FBN2: variants seen among roughly 807,000 people sequenced by gnomAD.
The protein encoded by FBN2 is fibrillin 2.
A neutral mutation model predicts 355.6 loss-of-function variants in FBN2; 105 were observed. The observed-to-expected ratio is 0.30, with a 90% CI of 0.25 to 0.35. The LOEUF (loss-of-function observed/expected upper bound fraction) is 0.35, where lower values mean the gene tolerates loss of function less well. FBN2 is among the 10% of genes least tolerant of loss of function. The pLI, the probability that FBN2 is intolerant of heterozygous loss-of-function variation, is 1.00. For synonymous variants in FBN2, 1,350 were observed against 1,301.2 expected, an observed-to-expected ratio of 1.04 and a Z score of -0.81; for missense variants, 3,280 against 3,758.7, an observed-to-expected ratio of 0.87 and a Z score of 3.33.
chr5:128,290,248 C>T (rs917799507), intron 50 of FBN2, among the ~76,000 whole-genome samples: 2 of 152,144 alleles, frequency 1.3e-5, no homozygotes, highest in Non-Finnish European at 2.9e-5. Context: ...GAGGCCAAGC[C>T]AGCTGGAGTT....
chr5:128,266,491 C>G (rs548775521), intron 62 of FBN2, among the ~76,000 whole-genome samples: 1 of 152,224 alleles, frequency 6.6e-6, no homozygotes, highest in Admixed American at 6.5e-5. Flanking sequence ...ACCCCAGGAT[C>G]TCATAAAGGG....
intron 63 of FBN2, 51 bp downstream of exon 63, chr5:128,263,374 C>A (rs769104644): frequency 1.4e-6 from 2 of 1,397,298 alleles, no homozygotes; most frequent in Non-Finnish European, 2.0e-6. Context: ...GGCCTGAACT[C>A]ACTCAGGAAC....
In FBN2 at chr5:128,364,699, C is replaced by T. The variant is rs1187660210; in HGVS notation, c.2329G>A (p.Asp777Asn). The T allele has an allele frequency of 1.9e-6, 3 of 1,612,946 alleles. No individual in the cohort carries two copies. Among genetic ancestry groups the T allele is most frequent in the Non-Finnish European group, 2.5e-6 (3 of 1,179,032 alleles). Residue 777 changes from aspartate to asparagine, a missense_variant, in exon 18 of 65, where the codon GAT (aspartate) becomes AAT (asparagine). Asp to Asn is a conservative substitution (Grantham distance 23). Coordinates refer to ENST00000262464, the MANE Select transcript of FBN2 (RefSeq NM_001999.4). ...RDINECALDP[D>N]ICANGICENL... is the part of the protein sequence containing the mutation. ...TCACAAATCCCATTGGCACATATAT[C>T]AGGATCCAAAGCACATTCATTGATA...
intron 7 of FBN2, among the ~76,000 whole-genome samples, chr5:128,437,408 C>T (rs909113557): frequency 1.3e-5 from 2 of 152,048 alleles, no homozygotes. Context: ...TCTTTTGTAA[C>T]GTTTAACAAC....
In FBN2 at chr5:128,378,759, A is replaced by G; in HGVS notation, c.1723+12T>C. On this transcript the variant is annotated intron_variant, in intron 12 of 64. Transcript: ENST00000262464. Reference sequence around the variant, plus strand: ...ATGGAACATTTTCATATGTGAAAGCAAACTGCCTTACCAATGCATGCTTGC... The same window carrying G: ...ATGGAACATTTTCATATGTGAAAGCGAACTGCCTTACCAATGCATGCTTGC... 6.2e-7 allele frequency: 1 copy of G among 1,612,790 alleles called. No individual in the cohort carries two copies. The highest frequency in any genetic ancestry group is 1.7e-4 in the Middle Eastern group (1 of 6,050).
intron 34 of FBN2, 57 bp from the exon 35 acceptor site, chr5:128,319,058 T>C: frequency 1.4e-6 from 2 of 1,389,824 alleles, no homozygotes; most frequent in Non-Finnish European, 2.0e-6. Flanking sequence ...AAAATTTTAA[T>C]GTAATGTCTA....
In FBN2 at chr5:128,330,706, C is replaced by T; in HGVS notation, c.4223-11G>A. On this transcript the variant is annotated splice_polypyrimidine_tract_variant and intron_variant, in intron 32 of 64. Transcript: ENST00000262464. ...AACATTCGTCCAGATCTGCAGAACA[C>T]AGCAATAAAGTTCAGAAATGAAAAT... 1 of 1,613,818 alleles carries T rather than the reference C, an allele frequency of 6.2e-7. No homozygotes were observed. Among genetic ancestry groups the T allele is most frequent in the Non-Finnish European group, 8.5e-7 (1 of 1,179,770 alleles).
chr5:128,312,044 T>C (rs1388470167), intron 37 of FBN2, 91 bp from the exon 38 acceptor site: 2 of 850,448 alleles, frequency 2.4e-6, no homozygotes, highest in African/African-American at 1.7e-5. Flanking sequence ...AGGCTCAATA[T>C]ACTCATCCTA....
At chr5:128,320,346 C>G (rs376066901) in intron 34 of FBN2, among the ~76,000 whole-genome samples, 1 of 151,966 alleles carries the variant, frequency 6.6e-6, no homozygotes, top group Non-Finnish European at 1.5e-5. Context: ...TTCCAGGTAG[C>G]TGGGACTATG....
chr5:128,310,391 TATATATATA>T (rs1561763555), intron 39 of FBN2, among the ~76,000 whole-genome samples: 2 of 8,490 alleles, frequency 2.4e-4, no homozygotes, highest in African/African-American at 8.2e-4. Flanking sequence ...TATATATATA[TATATATATA>T]TATTTTTTTT....
intron 25 of FBN2, among the ~76,000 whole-genome samples, chr5:128,340,798 T>A (rs1342974938): frequency 6.6e-6 from 1 of 151,568 alleles, no homozygotes; most frequent in African/African-American, 2.4e-5. Flanking sequence ...TAGAAAGTGC[T>A]CTCTCTTTCT....
rs1750833035 is a variant in FBN2, at chr5:128,336,084, G to A, written c.3628C>T (p.Leu1210Phe). 1 of 1,613,250 alleles carries A rather than the reference G, an allele frequency of 6.2e-7. No homozygotes were observed. The highest frequency in any genetic ancestry group is 8.5e-7 in the Non-Finnish European group (1 of 1,179,378). Reference sequence around the variant, plus strand: ...TTCACACATTTTCCATTTCTGCAGAGATTGTCACTCAGGGAGCATTCATTA... The same window carrying A: ...TTCACACATTTTCCATTTCTGCAGAAATTGTCACTCAGGGAGCATTCATTA... Reference protein sequence around the residue: ...DINECSLSDNLCRNGKCVNMI... With the variant: ...DINECSLSDNFCRNGKCVNMI... Residue 1210 changes from leucine to phenylalanine, a missense_variant, in exon 28 of 65, where the codon CTC becomes TTC. By Grantham distance (22) the Leu-to-Phe change is conservative (BLOSUM62 0). This residue lies in a region of FBN2 where 2,284 missense variants were observed against 2,749.5 expected (regional missense o/e 0.83). Transcript: ENST00000262464.
intron 5 of FBN2, among the ~76,000 whole-genome samples, chr5:128,480,584 T>C (rs1393300563): frequency 6.6e-6 from 1 of 152,016 alleles, no homozygotes; most frequent in Non-Finnish European, 1.5e-5. Context: ...AGGGCGGGTG[T>C]GTGTAATTCC....
At chr5:128,390,840 G>A (rs1348037521) in intron 11 of FBN2, among the ~76,000 whole-genome samples, 3 of 152,174 alleles carry the variant, frequency 2.0e-5, no homozygotes, top group Non-Finnish European at 2.9e-5. Flanking sequence ...TATATTTGAT[G>A]CTAATGTTAA....
chr5:128,287,769 C>T (rs1456294558), intron 53 of FBN2, among the ~76,000 whole-genome samples: 1 of 152,104 alleles, frequency 6.6e-6, no homozygotes, highest in Non-Finnish European at 1.5e-5. Context: ...TGGTAGCTAA[C>T]TCTCCAGAAG....
Position 128,333,667 on chromosome 5 carries a change from A to AGT in FBN2, c.4100-635_4100-634dup, listed in dbSNP as rs138286647. 1.5e-4 allele frequency among the ~76,000 whole-genome samples: 22 copies of AGT among 151,588 alleles called. 1 individual carries two copies. The East Asian group carries it at 1.8e-3, about 12-fold the overall frequency. Reference sequence around the variant, plus strand: ...TGGAAAGTAGCCAGATGCTTTCGCCAGTGTGTGTGTGTGCGTGTGTGTGTG... The same window carrying AGT: ...TGGAAAGTAGCCAGATGCTTTCGCCAGTGTGTGTGTGTGTGCGTGTGTGTGTG... On this transcript the variant is annotated intron_variant, in intron 31 of 64. Transcript: ENST00000262464.
In FBN2 at chr5:128,393,341, C is replaced by T. The variant is rs377652568; in HGVS notation, c.1259G>A (p.Gly420Glu). ...SEEYRRLCMD[G>E]LPMGGIPGSA... ...CCCTGGAATTCCTCCCATTGGAAGT[C>T]CATCCATGCAAAGTCTGCGATATTC... The change falls in exon 10 of 65, where the codon GGA (glycine) becomes GAA (glutamate). Residue 420 changes from glycine to glutamate, a missense_variant. By Grantham distance (98) the Gly-to-Glu change is moderately conservative (BLOSUM62 -2). Around this residue, in one of 6 missense-constraint regions of FBN2, gnomAD observed 343 missense variants for 331.0 expected, o/e 1.04. Transcript: ENST00000262464. 4 of 1,614,048 alleles carry T rather than the reference C, an allele frequency of 2.5e-6. No individual in the cohort carries two copies. In the South Asian group the frequency reaches 3.3e-5, roughly 13 times the overall value.
chr5:128,486,125 T>C (rs989021566), intron 5 of FBN2, among the ~76,000 whole-genome samples: 1 of 152,038 alleles, frequency 6.6e-6, no homozygotes, highest in Non-Finnish European at 1.5e-5. Flanking sequence ...ATCTGCCCTA[T>C]AGTTTTTTAC....
At chr5:128,536,606 A>G (rs1032412664) in intron 1 of FBN2, 122 bp from the exon 2 acceptor site, 1 of 747,844 alleles carries the variant, frequency 1.3e-6, no homozygotes, top group Non-Finnish European at 2.4e-6. Flanking sequence ...TCAAAATTAC[A>G]CTTCAAATTA....
Sources: allele counts gnomAD v4.1 joint callset (sites outside exome capture counted in the v4.1 genomes callset), GRCh38; gene constraint gnomAD v4.1.1; regional missense constraint gnomAD v4.1.1; transcripts MANE v1.5; gene names NCBI Gene and HGNC (gene_info 2026-07-23, HGNC 2026-07-21).